The following SRPK2 variants were observed in gnomAD, a reference collection of about 807,000 sequenced individuals.
The protein encoded by SRPK2 is SFRS protein kinase 2.
In SRPK2, 21 loss-of-function variants were observed where a neutral mutation model predicts 90.8. That is an observed-to-expected ratio of 0.23 (90% CI 0.16 to 0.33). The LOEUF (loss-of-function observed/expected upper bound fraction) is 0.33, where lower values mean the gene tolerates loss of function less well. Ranked by LOEUF, SRPK2 falls within the 10% of genes least tolerant of loss-of-function variation. The probability of loss-of-function intolerance (pLI) is 1.00; values close to 1 mark genes in which losing one functional copy is unlikely to be tolerated. For missense variants in SRPK2, 620 were observed against 869.0 expected, an observed-to-expected ratio of 0.71 and a Z score of 3.60; for synonymous variants, 288 against 311.1, an observed-to-expected ratio of 0.93 and a Z score of 0.78.
intron 2 of SRPK2, among the ~76,000 whole-genome samples, chr7:105,289,673 A>G (rs576014537): frequency 2.6e-5 from 4 of 152,246 alleles, no homozygotes; most frequent in Non-Finnish European, 5.9e-5. Context: ...TCTCCATATC[A>G]GCAATAAGGG....
intron 2 of SRPK2, among the ~76,000 whole-genome samples, chr7:105,368,042 A>G (rs978059328): frequency 1.3e-5 from 2 of 152,244 alleles, no homozygotes; most frequent in African/African-American, 4.8e-5. Context: ...TCTAAAGTGT[A>G]CATTTAACTG....
intron 2 of SRPK2, among the ~76,000 whole-genome samples, chr7:105,222,534 C>T (rs1452433716): frequency 6.6e-6 from 1 of 152,178 alleles, no homozygotes; most frequent in Non-Finnish European, 1.5e-5. Flanking sequence ...ACCATAAAAT[C>T]ATTAGTAAGT....
upstream of SRPK2, among the ~76,000 whole-genome samples, chr7:105,392,833 G>C (rs1246851905): frequency 6.8e-6 from 1 of 146,438 alleles, no homozygotes; most frequent in Non-Finnish European, 1.5e-5. Flanking sequence ...TTTTTTTTGA[G>C]AGAGGGTCTT....
intron 2 of SRPK2, among the ~76,000 whole-genome samples, chr7:105,333,352 G>T (rs1480314519): frequency 6.6e-6 from 1 of 152,172 alleles, no homozygotes; most frequent in Non-Finnish European, 1.5e-5. Flanking sequence ...ACATTTAGCA[G>T]TTTGTGTATA....
intron 2 of SRPK2, chr7:105,204,917 T>C (rs772904950): frequency 1.3e-5 from 5 of 374,440 alleles, no homozygotes; most frequent in Non-Finnish European, 2.6e-5. Flanking sequence ...TTTGGAACAC[T>C]GTTGCTCTCT....
chr7:105,363,275 C>G (rs1015103225), intron 2 of SRPK2, among the ~76,000 whole-genome samples: 9 of 151,702 alleles, frequency 5.9e-5, no homozygotes, highest in African/African-American at 2.2e-4. Context: ...TGCAATCTAC[C>G]CATCTGACAA....
chr7:105,132,997 T>C lies in SRPK2; in HGVS notation c.1644+7A>G, dbSNP rs1198932933. The stretch of plus-strand genomic sequence containing the variant: ...ACCAAAGGTTTTAGAAAGAAAACTC[T>C]ACTTACCACCCAACAAGCATTTCCC... On this transcript the variant is annotated splice_region_variant and intron_variant, in intron 12 of 15. Coordinates refer to ENST00000393651, the MANE Select transcript of SRPK2 (RefSeq NM_182692.3). 2 of 1,614,002 alleles carry C rather than the reference T, an allele frequency of 1.2e-6. No homozygotes were observed. Among genetic ancestry groups the C allele is most frequent in the Non-Finnish European group, 1.7e-6 (2 of 1,179,936 alleles).
chr7:105,336,048 G>A (rs2131800545), intron 2 of SRPK2, among the ~76,000 whole-genome samples: 1 of 151,538 alleles, frequency 6.6e-6, no homozygotes, highest in Admixed American at 6.6e-5. Context: ...AGCACAAAAT[G>A]TTTATTTATG....
chr7:105,177,490 TA>T (rs1397970538), intron 3 of SRPK2, among the ~76,000 whole-genome samples: 4 of 152,192 alleles, frequency 2.6e-5, no homozygotes, highest in African/African-American at 9.6e-5. Context: ...AACAAATAGG[TA>T]AATGTCATTT....
rs1001201974 is a variant in SRPK2 at position 105,143,432 on chromosome 7, A to G, written c.814-102T>C. ...AAATAGCAATAAACTCTGCTTTCTC[A>G]TGCCATATTCTATTAAAATCCCAAA... On this transcript the variant is annotated intron_variant, in intron 9 of 15. Transcript: ENST00000393651. 1.6e-5 allele frequency: 23 copies of G among 1,408,002 alleles called. No homozygotes were observed. The Admixed American group carries it at 4.8e-4, about 30-fold the overall frequency. The allele number at this position is 1,408,002 out of a possible 1,614,324, so 87.2% of individuals were successfully genotyped here.
intron 2 of SRPK2, among the ~76,000 whole-genome samples, chr7:105,288,643 A>T (rs1333510357): frequency 1.3e-5 from 2 of 152,180 alleles, no homozygotes; most frequent in Non-Finnish European, 2.9e-5. Flanking sequence ...CATATTAATT[A>T]AGCAGCCCAA....
At chr7:105,141,947 T>C (rs1054196014) in intron 11 of SRPK2, 61 bp downstream of exon 11, 18 of 1,534,582 alleles carry the variant, frequency 1.2e-5, no homozygotes, top group Non-Finnish European at 1.6e-5. Context: ...TTCACAGCAT[T>C]TGTTAAAGGC....
intron 1 of SRPK2, among the ~76,000 whole-genome samples, chr7:105,397,713 A>G (rs1376194524): frequency 2.0e-5 from 3 of 148,816 alleles, no homozygotes; most frequent in African/African-American, 7.5e-5. Flanking sequence ...GCACCATCTG[A>G]GCTCACTACA....
intron 2 of SRPK2, among the ~76,000 whole-genome samples, chr7:105,239,143 C>T (rs1485196428): frequency 7.9e-5 from 12 of 152,192 alleles, no homozygotes; most frequent in Admixed American, 7.9e-4. Context: ...GATTAGGAAA[C>T]CCTACTCTAG....
At chr7:105,348,868 C>T (rs1377596241) in intron 2 of SRPK2, among the ~76,000 whole-genome samples, 2 of 151,928 alleles carry the variant, frequency 1.3e-5, no homozygotes, top group Admixed American at 6.6e-5. Context: ...TCAGAGCAGC[C>T]GGGCGCAGTG....
chr7:105,295,343 TATAA>T (rs1395217436), intron 2 of SRPK2, among the ~76,000 whole-genome samples: 3 of 151,800 alleles, frequency 2.0e-5, no homozygotes, highest in African/African-American at 7.2e-5. Context: ...TTACATATTA[TATAA>T]ATATTTTTAT....
chr7:105,263,689 C>A (rs1804641455), intron 2 of SRPK2, among the ~76,000 whole-genome samples: 1 of 152,046 alleles, frequency 6.6e-6, no homozygotes, highest in Non-Finnish European at 1.5e-5. Context: ...GTCAATCTAG[C>A]AGAAAATATT....
rs1260092742 is a variant in SRPK2 at position 105,346,102 on chromosome 7, A to G, written c.71+42546T>C. ...AAGTACCAGGTGACAGTCTTTCTACAGGTGTACTTTATATCAAAGCTGTAA... is the reference window on the plus strand; with the variant it reads ...AAGTACCAGGTGACAGTCTTTCTACGGGTGTACTTTATATCAAAGCTGTAA... On this transcript the variant is annotated intron_variant, in intron 2 of 15. Transcript: ENST00000393651. Among the ~76,000 whole-genome samples the G allele has an allele frequency of 2.0e-5, 3 of 152,372 alleles. No individual in the cohort carries two copies. The East Asian group carries it at 5.8e-4, about 29-fold the overall frequency.
intron 3 of SRPK2, among the ~76,000 whole-genome samples, chr7:105,195,980 C>T (rs2129607650): frequency 6.6e-6 from 1 of 152,308 alleles, no homozygotes; most frequent in South Asian, 2.1e-4. Flanking sequence ...TCATTTACCT[C>T]TATGTGCCCT....
Sources: allele counts gnomAD v4.1 joint callset (sites outside exome capture counted in the v4.1 genomes callset), GRCh38; gene constraint gnomAD v4.1.1; transcripts MANE v1.5; gene names NCBI Gene and HGNC (gene_info 2026-07-23, HGNC 2026-07-21).